CACNA1B: variants seen among roughly 807,000 people sequenced by gnomAD.
CACNA1B encodes the protein calcium voltage-gated channel subunit alpha1 B.
CACNA1B carries 70 observed loss-of-function variants against 247.2 expected under a neutral mutation model. The observed-to-expected ratio is 0.28, with a 90% CI of 0.23 to 0.35. CACNA1B has a LOEUF of 0.35. Ranked by LOEUF, CACNA1B falls within the 10% of genes least tolerant of loss-of-function variation. CACNA1B has a pLI of 1.00. For missense variants in CACNA1B, 2,367 were observed against 3,197.4 expected, an observed-to-expected ratio of 0.74 and a Z score of 6.26; for synonymous variants, 1,231 against 1,294.4, an observed-to-expected ratio of 0.95 and a Z score of 1.05.
rs1589102933 is a variant in CACNA1B at position 138,058,993 on chromosome 9, G to A, written c.4474-86G>A. ...CCTAGGCAGGCATCGAGTTCTGTCTGCCCGCTTTGCTTGGTCATAGTGGTC... is the reference window on the plus strand; with the variant it reads ...CCTAGGCAGGCATCGAGTTCTGTCTACCCGCTTTGCTTGGTCATAGTGGTC... On this transcript the variant is annotated intron_variant, in intron 29 of 46. Transcript: ENST00000371372. The surrounding 1 kb of genome is among the most constrained non-coding windows in gnomAD (Gnocchi z 4.7). 13 of 829,728 alleles carry A rather than the reference G, an allele frequency of 1.6e-5. No individual in the cohort carries two copies. In the East Asian group the frequency reaches 2.9e-4, roughly 19 times the overall value. The allele number at this position is 829,728 out of a possible 1,614,324, so 51.4% of individuals were successfully genotyped here. A position where few individuals can be genotyped will look rare whatever the true frequency, so the allele number is the denominator to read the frequency against.
intron 21 of CACNA1B, 70 bp from the exon 22 acceptor site, chr9:138,046,834 G>C: frequency 6.6e-7 from 1 of 1,516,774 alleles, no homozygotes; most frequent in Non-Finnish European, 9.0e-7. Context: ...GACGGGCTGA[G>C]CCTGCCCTGT....
intron 15 of CACNA1B, among the ~76,000 whole-genome samples, chr9:137,989,764 C>T (rs529314698): frequency 6.6e-6 from 1 of 152,122 alleles, no homozygotes; most frequent in African/African-American, 2.4e-5. Flanking sequence ...GTTACCACCA[C>T]CCACCCAGAT....
At chr9:138,117,431 T>G (rs919085737) in intron 42 of CACNA1B, among the ~76,000 whole-genome samples, 1 of 150,498 alleles carries the variant, frequency 6.6e-6, no homozygotes, top group African/African-American at 2.4e-5. Flanking sequence ...TTTGCCCTCA[T>G]CTGTCCCAGC....
At chr9:138,022,285 C>T (rs1390697803) in intron 18 of CACNA1B, among the ~76,000 whole-genome samples, 1 of 152,190 alleles carries the variant, frequency 6.6e-6, no homozygotes, top group Non-Finnish European at 1.5e-5. Flanking sequence ...GCATTTCCAG[C>T]TTCAGACCTG....
chr9:138,019,852 C>G (rs148716893), intron 18 of CACNA1B, among the ~76,000 whole-genome samples: 2,478 of 152,156 alleles, frequency 0.016, 30 homozygotes, highest in Middle Eastern at 0.044. Context: ...TAATCTAGCA[C>G]TTTGGGAGGC....
At chr9:137,911,144 T>G (rs1470124390) in intron 3 of CACNA1B, among the ~76,000 whole-genome samples, 3 of 152,206 alleles carry the variant, frequency 2.0e-5, no homozygotes, top group Admixed American at 2.0e-4. Context: ...TTGGTACCTT[T>G]GTTGAAAACC....
rs1185343355 is a variant in CACNA1B, at chr9:137,986,310, T to G, written c.1770-103T>G. On this transcript the variant is annotated intron_variant, in intron 13 of 46. Transcript: ENST00000371372. The surrounding 1 kb of genome is among the most constrained non-coding windows in gnomAD (Gnocchi z 6.0). ...AACTTCACACCTAGGTGTGCAGCCCTCAGGGTTTAGAAAGTCAGTGGAGCC... is the reference window on the plus strand; with the variant it reads ...AACTTCACACCTAGGTGTGCAGCCCGCAGGGTTTAGAAAGTCAGTGGAGCC... 4 of 1,314,640 alleles carry G rather than the reference T, an allele frequency of 3.0e-6. No individual in the cohort carries two copies. The highest frequency in any genetic ancestry group is 1.5e-5 in the African/African-American group (1 of 68,798). The allele number at this position is 1,314,640 out of a possible 1,614,324, so 81.4% of individuals were successfully genotyped here.
intron 18 of CACNA1B, among the ~76,000 whole-genome samples, chr9:138,019,746 C>G (rs1217701086): frequency 6.6e-6 from 1 of 152,080 alleles, no homozygotes; most frequent in Non-Finnish European, 1.5e-5. Context: ...ACTGATGTCT[C>G]CTGGGGCAAG....
Position 137,914,051 on chromosome 9 carries a change from G to C in CACNA1B, c.623-603G>C, listed in dbSNP as rs558733646. Among the ~76,000 whole-genome samples the C allele has an allele frequency of 6.6e-6, 1 of 152,120 alleles. No individual in the cohort carries two copies. The highest frequency in any genetic ancestry group is 1.5e-5 in the Non-Finnish European group (1 of 68,012). ...TGGCCAGTGGCAGAACATTCCCAGG[G>C]GCAGGTCTTTTTTGCCTCACTTTCT... On this transcript the variant is annotated intron_variant, in intron 4 of 46. Transcript: ENST00000371372. This position sits in a 1 kb window ranked among gnomAD's most constrained non-coding sequence, Gnocchi z 4.3.
intron 20 of CACNA1B, among the ~76,000 whole-genome samples, chr9:138,037,076 T>A (rs142649054): frequency 6.6e-6 from 1 of 152,354 alleles, no homozygotes; most frequent in East Asian, 1.9e-4. Context: ...TTCCTCTGCT[T>A]ATTCATGCCA....
At chr9:138,117,901 G>T in intron 42 of CACNA1B, 45 bp from the exon 43 acceptor site, 1 of 1,488,228 alleles carries the variant, frequency 6.7e-7, no homozygotes. Flanking sequence ...TAAGGCACCT[G>T]CAGTCTCTGA....
chr9:138,037,232 G>A (rs550107203), intron 20 of CACNA1B, among the ~76,000 whole-genome samples: 7 of 152,332 alleles, frequency 4.6e-5, no homozygotes, highest in African/African-American at 1.7e-4. Flanking sequence ...TCTCAGCCTT[G>A]GAGCTGTTGA....
At chr9:138,062,763 G>T (rs771698223) in intron 31 of CACNA1B, among the ~76,000 whole-genome samples, 1 of 152,246 alleles carries the variant, frequency 6.6e-6, no homozygotes, top group Non-Finnish European at 1.5e-5. Flanking sequence ...CCTGGGGGTT[G>T]CTGGGTTTTG....
chr9:137,935,201 C>T (rs1057082450), intron 6 of CACNA1B, among the ~76,000 whole-genome samples: 6 of 152,144 alleles, frequency 3.9e-5, no homozygotes, highest in South Asian at 2.1e-4. Flanking sequence ...TTGCTGCACT[C>T]GTTAACTCAT....
rs1020326603 is a variant in CACNA1B, at chr9:138,022,972, C to G, written c.2268-39C>G. 5.5e-6 allele frequency: 8 copies of G among 1,451,478 alleles called. No individual in the cohort carries two copies. The East Asian group carries it at 8.2e-5, about 15-fold the overall frequency. 89.9% of individuals were successfully genotyped at this position (1,451,478 alleles called of 1,614,324 possible). A position where few individuals can be genotyped will look rare whatever the true frequency, so the allele number is the denominator to read the frequency against. Reference sequence around the variant, plus strand: ...GCCTCCCTGGAGAGCGGCGGGCGGGCGGCAGACGGGGCCGCGCTCACCGCC... The same window carrying G: ...GCCTCCCTGGAGAGCGGCGGGCGGGGGGCAGACGGGGCCGCGCTCACCGCC... On this transcript the variant is annotated intron_variant, in intron 18 of 46. Coordinates refer to ENST00000371372, the MANE Select transcript of CACNA1B (RefSeq NM_000718.4).
At chr9:138,027,419 A>G (rs1554749608) in intron 20 of CACNA1B, among the ~76,000 whole-genome samples, 1 of 152,210 alleles carries the variant, frequency 6.6e-6, no homozygotes, top group Non-Finnish European at 1.5e-5. Flanking sequence ...TATATTATCA[A>G]AACTTCTGCA....
At chr9:137,922,853 G>A (rs1957502826) in intron 6 of CACNA1B, among the ~76,000 whole-genome samples, 3 of 152,160 alleles carry the variant, frequency 2.0e-5, no homozygotes. Flanking sequence ...TATCAATGAT[G>A]TTGACACAGT....
chr9:138,117,851 T>G, intron 42 of CACNA1B, 95 bp from the exon 43 acceptor site: 2 of 933,362 alleles, frequency 2.1e-6, no homozygotes, highest in Non-Finnish European at 3.1e-6. Flanking sequence ...CTGCTGCATG[T>G]GTTGGAGACG....
intron 6 of CACNA1B, among the ~76,000 whole-genome samples, chr9:137,939,263 A>G (rs1187038752): frequency 6.6e-6 from 1 of 152,204 alleles, no homozygotes; most frequent in African/African-American, 2.4e-5. Context: ...ACTACAGAAT[A>G]TATATTCATC....
Sources: gnomAD v4.1 joint callset for allele counts (sites outside exome capture counted in the v4.1 genomes callset) on GRCh38, gnomAD v4.1.1 for gene constraint, Gnocchi (gnomAD v3.1) non-coding constraint, MANE v1.5 for transcripts, NCBI Gene and HGNC (gene_info 2026-07-23, HGNC 2026-07-21) for gene names.